Variants in RBFOX1 observed in about 807,000 individuals in gnomAD.
The protein encoded by RBFOX1 is RNA binding protein fox-1 homolog 1.
RBFOX1 carries 8 observed loss-of-function variants against 57.7 expected under a neutral mutation model. The ratio of observed to expected loss-of-function variants is 0.14; its 90% CI spans 0.08 to 0.25. The LOEUF is 0.25. RBFOX1 is among the 10% of genes least tolerant of loss of function. The pLI is 1.00. For synonymous variants in RBFOX1, 326 were observed against 222.4 expected, an observed-to-expected ratio of 1.47 and a Z score of -4.15; for missense variants, 611 against 548.5, an observed-to-expected ratio of 1.11 and a Z score of -1.14.
chr16:6,324,267 G>C (rs1410356068), intron 2 of RBFOX1, among the ~76,000 whole-genome samples: 1 of 151,006 alleles, frequency 6.6e-6, no homozygotes, highest in African/African-American at 2.4e-5. Context: ...TCTGGCTTCA[G>C]TTTCCTGATT....
intron 4 of RBFOX1, among the ~76,000 whole-genome samples, chr16:7,252,496 TGC>T (rs2094531252): frequency 6.6e-6 from 1 of 152,204 alleles, no homozygotes; most frequent in African/African-American, 2.4e-5. Flanking sequence ...CTGGAAATTT[TGC>T]ACAGATCTTT....
intron 15 of RBFOX1, 197 bp from the exon 16 acceptor site, chr16:7,710,426 A>G: frequency 7.2e-7 from 1 of 1,398,372 alleles, no homozygotes; most frequent in Non-Finnish European, 9.2e-7. Flanking sequence ...TTTGCAGGGA[A>G]TTTCTTTAGG....
At chr16:6,998,166 A>C (rs979381098) in intron 3 of RBFOX1, among the ~76,000 whole-genome samples, 4 of 152,174 alleles carry the variant, frequency 2.6e-5, no homozygotes, top group African/African-American at 9.7e-5. Flanking sequence ...GTGTAAAATG[A>C]AAGCAGCCAA....
intron 3 of RBFOX1, among the ~76,000 whole-genome samples, chr16:5,706,620 T>C (rs545176129): frequency 6.6e-6 from 1 of 152,366 alleles, no homozygotes; most frequent in South Asian, 2.1e-4. Context: ...TTGCATTGTT[T>C]TAATTTTCTC....
chr16:6,558,656 A>G (rs1055587494), intron 2 of RBFOX1, among the ~76,000 whole-genome samples: 1 of 152,104 alleles, frequency 6.6e-6, no homozygotes. Context: ...ATAACCAAAG[A>G]TGGCTAATTA....
intron 2 of RBFOX1, among the ~76,000 whole-genome samples, chr16:6,510,038 A>C (rs1008915196): frequency 1.3e-5 from 2 of 152,110 alleles, no homozygotes; most frequent in African/African-American, 4.8e-5. Flanking sequence ...CCTGTGATTG[A>C]AGCAGCTTCA....
At chr16:6,769,059 A>G (rs753099922) in intron 3 of RBFOX1, among the ~76,000 whole-genome samples, 1 of 151,952 alleles carries the variant, frequency 6.6e-6, no homozygotes, top group Non-Finnish European at 1.5e-5. Flanking sequence ...AACAGTTGAT[A>G]TTGTTTGGCT....
rs1339025230 is a variant in RBFOX1, at chr16:6,458,886, G to C, written c.-64+141829G>C. 2.6e-5 allele frequency among the ~76,000 whole-genome samples: 4 copies of C among 152,288 alleles called. No individual in the cohort carries two copies. In the East Asian group the frequency reaches 7.7e-4, roughly 29 times the overall value. On this transcript the variant is annotated intron_variant, in intron 2 of 15. Transcript: ENST00000550418. The stretch of plus-strand genomic sequence containing the variant: ...GTTTCCCAGAATTACTGGAGGGTTA[G>C]GTCACTCTCCTCTGGGGACAGCTGA...
chr16:6,681,668 C>G (rs1033706030), intron 3 of RBFOX1, among the ~76,000 whole-genome samples: 3 of 43,624 alleles, frequency 6.9e-5, no homozygotes, highest in Non-Finnish European at 1.7e-4. Context: ...GGTCATTTAA[C>G]CAGAAAAAAA....
intron 3 of RBFOX1, among the ~76,000 whole-genome samples, chr16:6,708,046 C>T (rs925302901): frequency 7.2e-5 from 11 of 152,102 alleles, no homozygotes; most frequent in South Asian, 2.1e-4. Context: ...CCTTTTCCAT[C>T]GTCTTTCCCC....
chr16:5,521,991 C>T (rs1045725410), intron 2 of RBFOX1, among the ~76,000 whole-genome samples: 5 of 152,182 alleles, frequency 3.3e-5, no homozygotes, highest in African/African-American at 7.2e-5. Flanking sequence ...GTAAGATACA[C>T]AGGGGCTGTG....
At chr16:7,467,447 T>C (rs2060736812) in intron 4 of RBFOX1, among the ~76,000 whole-genome samples, 1 of 151,670 alleles carries the variant, frequency 6.6e-6, no homozygotes, top group Admixed American at 6.6e-5. Flanking sequence ...ACCACAGTGG[T>C]TGAAAAACCC....
chr16:5,970,082 C>T (rs919231613), intron 4 of RBFOX1, among the ~76,000 whole-genome samples: 4 of 152,140 alleles, frequency 2.6e-5, no homozygotes, highest in African/African-American at 4.8e-5. Context: ...CTCTTGGTCA[C>T]GATGGGTGTC....
At chr16:6,229,593 G>A (rs942176611) in intron 1 of RBFOX1, among the ~76,000 whole-genome samples, 1 of 151,990 alleles carries the variant, frequency 6.6e-6, no homozygotes, top group Admixed American at 6.6e-5. Flanking sequence ...AATAGAGTAT[G>A]AGCTAATAGT....
chr16:7,531,030 T>G (rs2079933050), intron 5 of RBFOX1, among the ~76,000 whole-genome samples: 1 of 152,168 alleles, frequency 6.6e-6, no homozygotes, highest in African/African-American at 2.4e-5. Flanking sequence ...AAACCAAGGT[T>G]TTCAGCCTGT....
chr16:5,807,847 T>C (rs1260386597), intron 3 of RBFOX1, among the ~76,000 whole-genome samples: 1 of 152,200 alleles, frequency 6.6e-6, no homozygotes, highest in Non-Finnish European at 1.5e-5. Context: ...CCCACGCTGC[T>C]GGTCTGGACC....
intron 2 of RBFOX1, among the ~76,000 whole-genome samples, chr16:6,342,959 T>A (rs73539412): frequency 0.046 from 7,051 of 152,218 alleles, 528 homozygotes; most frequent in African/African-American, 0.16. Flanking sequence ...TCGCTTTATA[T>A]TTTTTCTGAA....
At chr16:7,543,053 G>C (rs2083394665) in intron 5 of RBFOX1, among the ~76,000 whole-genome samples, 1 of 152,160 alleles carries the variant, frequency 6.6e-6, no homozygotes, top group African/African-American at 2.4e-5. Context: ...CAATCCTATA[G>C]GTGGGGGAAA....
intron 4 of RBFOX1, among the ~76,000 whole-genome samples, chr16:7,461,145 G>C (rs907745548): frequency 2.0e-5 from 3 of 151,938 alleles, no homozygotes; most frequent in Non-Finnish European, 4.4e-5. Flanking sequence ...GATAAGAATT[G>C]ACTGAGGATG....
Sources: allele counts gnomAD v4.1 joint callset (sites outside exome capture counted in the v4.1 genomes callset), GRCh38; gene constraint gnomAD v4.1.1; transcripts MANE v1.5; gene names NCBI Gene and HGNC (gene_info 2026-07-23, HGNC 2026-07-21).